Variants in PTPRD observed in about 807,000 individuals in gnomAD.
PTPRD encodes receptor-type tyrosine-protein phosphatase delta.
Under a neutral mutation model 214.5 loss-of-function variants are expected in PTPRD, and 34 were observed. That is an observed-to-expected ratio of 0.16 (90% CI 0.12 to 0.21). The LOEUF (loss-of-function observed/expected upper bound fraction) is 0.21, where lower values mean the gene tolerates loss of function less well. PTPRD is among the 10% of genes least tolerant of loss of function. The probability of loss-of-function intolerance (pLI) is 1.00; values close to 1 mark genes in which losing one functional copy is unlikely to be tolerated. For missense variants in PTPRD, 2,545 were observed against 2,398.7 expected (o/e 1.06, Z -1.27); for synonymous variants, 1,128 against 845.7 (o/e 1.33, Z -5.79).
intron 10 of PTPRD, among the ~76,000 whole-genome samples, chr9:9,068,705 T>TGG (rs1172658467): frequency 6.6e-6 from 1 of 152,070 alleles, no homozygotes; most frequent in Non-Finnish European, 1.5e-5. Flanking sequence ...TCCGTCTCCC[T>TGG]GGTTCCAGCA....
chr9:9,966,415 G>A (rs79136695), intron 4 of PTPRD, among the ~76,000 whole-genome samples: 1,992 of 152,190 alleles, frequency 0.013, 24 homozygotes, highest in Non-Finnish European at 0.019. Flanking sequence ...TAAGGTAGGC[G>A]TGTGCTATGG....
Position 10,255,221 on chromosome 9 carries a change from C to A in PTPRD, c.-545+85742G>T, listed in dbSNP as rs151254628. On this transcript the variant is annotated intron_variant, in intron 3 of 45. Transcript: ENST00000381196. ...GGAGGGGGATACATTCTGAGAAATGCATTATTAGGCAATTTATTCTCTATG... is the reference window on the plus strand; with the variant it reads ...GGAGGGGGATACATTCTGAGAAATGAATTATTAGGCAATTTATTCTCTATG... Among the ~76,000 whole-genome samples, 441 of 152,178 alleles carry A rather than the reference C, an allele frequency of 2.9e-3. 9 individuals are homozygous for A. Among genetic ancestry groups the A allele is most frequent in the Admixed American group, 0.025 (382 of 15,286 alleles).
chr9:9,837,920 C>A (rs1254244101), intron 5 of PTPRD, among the ~76,000 whole-genome samples: 1 of 152,108 alleles, frequency 6.6e-6, no homozygotes, highest in Non-Finnish European at 1.5e-5. Context: ...CCTCCCCACT[C>A]CCCCAACCCC....
In PTPRD at chr9:8,366,332, C is replaced by T. The variant is rs553269236; in HGVS notation, c.4661+9604G>A. On this transcript the variant is annotated intron_variant, in intron 39 of 45. Transcript: ENST00000381196. The stretch of plus-strand genomic sequence containing the variant: ...CATACACTCAGCAAGCACCACTGTG[C>T]ACTGGTGAAACACTTAACTGCTGCC... Among the ~76,000 whole-genome samples, 33 of 152,052 alleles carry T rather than the reference C, an allele frequency of 2.2e-4. No individual in the cohort carries two copies. The East Asian group carries it at 6.2e-3, about 29-fold the overall frequency.
chr9:10,367,450 C>T (rs2097536525), intron 2 of PTPRD, among the ~76,000 whole-genome samples: 1 of 152,102 alleles, frequency 6.6e-6, no homozygotes, highest in African/African-American at 2.4e-5. Flanking sequence ...ACCACTGCCA[C>T]TGGGTTGGTT....
At chr9:8,506,192 A>T (rs2097539740) in intron 22 of PTPRD, among the ~76,000 whole-genome samples, 1 of 152,190 alleles carries the variant, frequency 6.6e-6, no homozygotes. Flanking sequence ...TTAGCATGTG[A>T]GTTTTTTAAA....
intron 9 of PTPRD, among the ~76,000 whole-genome samples, chr9:9,309,098 A>C (rs1175888186): frequency 6.6e-6 from 1 of 152,114 alleles, no homozygotes; most frequent in African/African-American, 2.4e-5. Context: ...AAAAACCAAG[A>C]ATTTATTTGA....
intron 2 of PTPRD, among the ~76,000 whole-genome samples, chr9:10,470,816 T>C (rs1347967369): frequency 6.6e-6 from 1 of 152,004 alleles, no homozygotes; most frequent in African/African-American, 2.4e-5. Context: ...ACAGGAGTGG[T>C]GGAGGGTATC....
chr9:8,443,190 T>C (rs575710748), intron 34 of PTPRD, among the ~76,000 whole-genome samples: 38 of 152,074 alleles, frequency 2.5e-4, no homozygotes, highest in African/African-American at 9.2e-4. Flanking sequence ...TAATGGAGAG[T>C]TTCTCAAAAT....
At chr9:9,646,143 G>A (rs974260661) in intron 7 of PTPRD, among the ~76,000 whole-genome samples, 3 of 152,094 alleles carry the variant, frequency 2.0e-5, no homozygotes, top group Non-Finnish European at 4.4e-5. Flanking sequence ...TATTCCCTCT[G>A]CCTAAATTAC....
At chr9:9,777,386 A>G (rs2154486809) in intron 5 of PTPRD, among the ~76,000 whole-genome samples, 1 of 152,076 alleles carries the variant, frequency 6.6e-6, no homozygotes, top group East Asian at 1.9e-4. Flanking sequence ...AAATAAATTC[A>G]ACTATTTAAG....
intron 5 of PTPRD, among the ~76,000 whole-genome samples, chr9:9,801,571 G>A (rs2099040346): frequency 6.6e-6 from 1 of 152,078 alleles, no homozygotes; most frequent in Admixed American, 6.6e-5. Context: ...TGTGGCCACT[G>A]GAGAGTAAGT....
At chr9:8,695,229 T>G (rs918598397) in intron 12 of PTPRD, among the ~76,000 whole-genome samples, 1 of 152,140 alleles carries the variant, frequency 6.6e-6, no homozygotes, top group African/African-American at 2.4e-5. Flanking sequence ...ATCTTGTGAG[T>G]AAATAAACCC....
At chr9:8,849,117 T>C (rs572089873) in intron 11 of PTPRD, among the ~76,000 whole-genome samples, 1 of 151,794 alleles carries the variant, frequency 6.6e-6, no homozygotes, top group South Asian at 2.1e-4. Flanking sequence ...AGGTTTCTAA[T>C]GAATAATTAT....
intron 14 of PTPRD, among the ~76,000 whole-genome samples, chr9:8,567,496 C>T (rs915179372): frequency 2.6e-5 from 4 of 152,154 alleles, no homozygotes; most frequent in East Asian, 1.9e-4. Flanking sequence ...TGGGAAAGCA[C>T]GTCTTCTCAC....
intron 10 of PTPRD, among the ~76,000 whole-genome samples, chr9:9,102,699 G>A (rs1274064270): frequency 6.6e-6 from 1 of 152,156 alleles, no homozygotes; most frequent in African/African-American, 2.4e-5. Context: ...ATTGTTTTAC[G>A]ATGTGATCAT....
chr9:10,200,578 C>A (rs1314143225), intron 3 of PTPRD, among the ~76,000 whole-genome samples: 3 of 152,066 alleles, frequency 2.0e-5, no homozygotes, highest in African/African-American at 7.2e-5. Flanking sequence ...TCATGGCTAT[C>A]CAGTTACATT....
intron 7 of PTPRD, among the ~76,000 whole-genome samples, chr9:9,586,313 T>A (rs1056039867): frequency 2.0e-5 from 3 of 152,026 alleles, no homozygotes; most frequent in Admixed American, 6.6e-5. Context: ...AAGAGTATAA[T>A]GTTTGACAGT....
chr9:8,715,037 A>G (rs17575255), intron 12 of PTPRD, among the ~76,000 whole-genome samples: 4,162 of 152,126 alleles, frequency 0.027, 109 homozygotes, highest in Non-Finnish European at 0.038. Context: ...TTAAGGACCT[A>G]TATACAAGAC....
Sources: allele counts gnomAD v4.1 joint callset (sites outside exome capture counted in the v4.1 genomes callset), GRCh38; gene constraint gnomAD v4.1.1; transcripts MANE v1.5; gene names NCBI Gene and HGNC (gene_info 2026-07-23, HGNC 2026-07-21).